Variants in SH3GL2 observed in about 807,000 individuals in gnomAD.
SH3GL2 encodes the protein endophilin-A1.
SH3GL2 carries 24 observed loss-of-function variants against 46.0 expected under a neutral mutation model. The ratio of observed to expected loss-of-function variants is 0.52; its 90% CI spans 0.38 to 0.73. The LOEUF (loss-of-function observed/expected upper bound fraction) is 0.73, where lower values mean the gene tolerates loss of function less well. SH3GL2 is among the 30% of genes least tolerant of loss of function. The probability of loss-of-function intolerance (pLI) is 0.00; values close to 1 mark genes in which losing one functional copy is unlikely to be tolerated. For missense variants in SH3GL2, 413 were observed against 424.2 expected (o/e 0.97, Z 0.23); for synonymous variants, 196 against 147.1 (o/e 1.33, Z -2.40).
chr9:17,710,326 T>G (rs1821584798), intron 1 of SH3GL2, among the ~76,000 whole-genome samples: 1 of 151,964 alleles, frequency 6.6e-6, no homozygotes, highest in Non-Finnish European at 1.5e-5. Context: ...CAATTAAACC[T>G]CTTTCCTTTA....
At chr9:17,747,279 A>T in intron 2 of SH3GL2, 145 bp downstream of exon 2, 1 of 580,112 alleles carries the variant, frequency 1.7e-6, no homozygotes, top group Non-Finnish European at 3.1e-6. Flanking sequence ...CTTTTCATGT[A>T]TGTTTTAAAA....
intron 1 of SH3GL2, among the ~76,000 whole-genome samples, chr9:17,730,862 A>G (rs1486716645): frequency 6.6e-6 from 1 of 152,258 alleles, no homozygotes; most frequent in East Asian, 1.9e-4. Flanking sequence ...ATTAAATCTC[A>G]CTGAAGATTT....
chr9:17,782,083 A>C (rs1182241120), intron 3 of SH3GL2, among the ~76,000 whole-genome samples: 3 of 152,190 alleles, frequency 2.0e-5, no homozygotes, highest in Non-Finnish European at 2.9e-5. Context: ...ACTTTATCAC[A>C]GAGAAAATCT....
chr9:17,689,377 C>G (rs1821011488), intron 1 of SH3GL2, among the ~76,000 whole-genome samples: 1 of 152,004 alleles, frequency 6.6e-6, no homozygotes, highest in Admixed American at 6.6e-5. Context: ...AATAAAGAAG[C>G]AAATCTGAAT....
intron 1 of SH3GL2, among the ~76,000 whole-genome samples, chr9:17,646,527 C>T (rs1819822187): frequency 6.6e-6 from 1 of 152,052 alleles, no homozygotes; most frequent in South Asian, 2.1e-4. Context: ...TACCTTTGGT[C>T]TTTGGTGTCA....
At chr9:17,769,021 G>C (rs1484678494) in intron 3 of SH3GL2, among the ~76,000 whole-genome samples, 1 of 152,144 alleles carries the variant, frequency 6.6e-6, no homozygotes, top group African/African-American at 2.4e-5. Flanking sequence ...CATGGGGCCT[G>C]GCCAGCCCCT....
chr9:17,723,711 T>A (rs957538945), intron 1 of SH3GL2, among the ~76,000 whole-genome samples: 12 of 152,110 alleles, frequency 7.9e-5, no homozygotes, highest in Non-Finnish European at 1.5e-5. Context: ...GCCTGAGGAT[T>A]TCTGCTACCT....
At chr9:17,699,961 A>C (rs1242259758) in intron 1 of SH3GL2, among the ~76,000 whole-genome samples, 1 of 152,144 alleles carries the variant, frequency 6.6e-6, no homozygotes, top group African/African-American at 2.4e-5. Flanking sequence ...CCCTATTGCA[A>C]GTTTGCATTC....
intron 1 of SH3GL2, among the ~76,000 whole-genome samples, chr9:17,622,771 A>G (rs7033092): frequency 0.16 from 24,585 of 152,058 alleles, 2,053 homozygotes; most frequent in Middle Eastern, 0.23. Flanking sequence ...ACGGTAAGTA[A>G]AGAATAATGG....
At chr9:17,744,537 T>C (rs938631174) in intron 1 of SH3GL2, among the ~76,000 whole-genome samples, 2 of 152,060 alleles carry the variant, frequency 1.3e-5, no homozygotes, top group African/African-American at 4.8e-5. Flanking sequence ...AACTAATTTA[T>C]TTTTATTTTT....
intron 1 of SH3GL2, among the ~76,000 whole-genome samples, chr9:17,690,204 A>G (rs543418495): frequency 2.0e-5 from 3 of 152,254 alleles, no homozygotes; most frequent in South Asian, 2.1e-4. Context: ...GTGCCTGGCA[A>G]AAAGAAGTGA....
chr9:17,794,259 A>G (rs1824218254), intron 8 of SH3GL2, among the ~76,000 whole-genome samples: 1 of 152,196 alleles, frequency 6.6e-6, no homozygotes, highest in Non-Finnish European at 1.5e-5. Flanking sequence ...TGAAGTGGGA[A>G]CTGTCTTATA....
chr9:17,669,223 T>G (rs1820413582), intron 1 of SH3GL2, among the ~76,000 whole-genome samples: 1 of 151,794 alleles, frequency 6.6e-6, no homozygotes. Flanking sequence ...TAGTATGGTA[T>G]CAAAACCAGG....
At chr9:17,784,024 T>A (rs1041993614) in intron 3 of SH3GL2, among the ~76,000 whole-genome samples, 1 of 152,176 alleles carries the variant, frequency 6.6e-6, no homozygotes, top group African/African-American at 2.4e-5. Context: ...CTGATGATAT[T>A]TTTAATAACA....
intron 3 of SH3GL2, among the ~76,000 whole-genome samples, chr9:17,773,677 A>C (rs1008364093): frequency 1.3e-5 from 2 of 152,068 alleles, no homozygotes; most frequent in Non-Finnish European, 2.9e-5. Context: ...GTCTGTCTTT[A>C]TGACAGTACC....
intron 1 of SH3GL2, among the ~76,000 whole-genome samples, chr9:17,708,025 A>G (rs1248088458): frequency 6.6e-6 from 1 of 152,046 alleles, no homozygotes; most frequent in Non-Finnish European, 1.5e-5. Context: ...GGAGTGCACA[A>G]AGATAATTCA....
rs187404740 is a variant in SH3GL2 at position 17,638,098 on chromosome 9, A to C, written c.45+58811A>C. 1.6e-3 allele frequency among the ~76,000 whole-genome samples: 250 copies of C among 151,798 alleles called. 1 individual carries two copies. In the Middle Eastern group the frequency reaches 0.017, roughly 10 times the overall value. On this transcript the variant is annotated intron_variant, in intron 1 of 8. Coordinates refer to ENST00000380607, the MANE Select transcript of SH3GL2 (RefSeq NM_003026.5). ...CATGAACCCGGGAGGCGGAGCTTGC[A>C]GTGAGCCGAGATCGCGCCACTGCAC...
chr9:17,684,911 G>A (rs1820864997), intron 1 of SH3GL2, among the ~76,000 whole-genome samples: 2 of 152,078 alleles, frequency 1.3e-5, no homozygotes, highest in South Asian at 4.1e-4. Flanking sequence ...AAAATCAATG[G>A]AAATGAAGAT....
rs762920242 is a variant in SH3GL2 at position 17,614,295 on chromosome 9, G to GGAAAAAAA, written c.45+35008_45+35009insGAAAAAAA. ...GTGACAGGGAACATGCATGGTTTCT[G>GGAAAAAAA]AAAAAAAAAAAAAAAAAAAAAAAAA... On this transcript the variant is annotated intron_variant, in intron 1 of 8. Transcript: ENST00000380607. Among the ~76,000 whole-genome samples, 15 of 70,294 alleles carry GGAAAAAAA rather than the reference G, an allele frequency of 2.1e-4. 1 individual carries two copies. The highest frequency in any genetic ancestry group is 1.0e-3 in the East Asian group (2 of 1,918). 46.1% of individuals were successfully genotyped at this position (70,294 alleles called of 152,430 possible). A position where few individuals can be genotyped will look rare whatever the true frequency, so the allele number is the denominator to read the frequency against.
Sources: gnomAD v4.1 joint callset for allele counts (sites outside exome capture counted in the v4.1 genomes callset) on GRCh38, gnomAD v4.1.1 for gene constraint, MANE v1.5 for transcripts, NCBI Gene and HGNC (gene_info 2026-07-23, HGNC 2026-07-21) for gene names.